ECHDC2: variants seen among roughly 807,000 people sequenced by gnomAD.
ECHDC2 encodes enoyl-CoA hydratase domain containing 2, also known as enoyl-CoA hydratase domain-containing protein 2, mitochondrial.
A neutral mutation model predicts 40.6 loss-of-function variants in ECHDC2; 34 were observed. That is an observed-to-expected ratio of 0.84 (90% CI 0.64 to 1.11). The LOEUF (loss-of-function observed/expected upper bound fraction) is 1.11. Ranked by LOEUF, ECHDC2 falls within the 50% of genes most tolerant of loss-of-function variation. ECHDC2 has a pLI of 0.00. For synonymous variants in ECHDC2, 162 were observed against 166.6 expected (o/e 0.97, Z 0.21); for missense variants, 392 against 400.7 (o/e 0.98, Z 0.19).
In ECHDC2 at chr1:52,909,104, AAAAC is replaced by A. The variant is rs1037978075; in HGVS notation, c.278-1154_278-1151del. ...CCTCACGTCTATTAGAATGGCTTTT[AAAAC>A]AAACAAAACAAAAAGTTGGCATGGA... On this transcript the variant is annotated intron_variant, in intron 3 of 9. Transcript: ENST00000371522. Among the ~76,000 whole-genome samples the A allele has an allele frequency of 1.1e-4, 16 of 152,266 alleles. No homozygotes were observed. In the East Asian group the frequency reaches 1.2e-3, roughly 11 times the overall value.
chr1:52,905,315 A>T (rs1042187728), intron 5 of ECHDC2: 1 of 575,924 alleles, frequency 1.7e-6, no homozygotes. Flanking sequence ...GTTGTAAGTC[A>T]CCAGCAAGTC....
At chr1:52,902,193 G>T (rs1253356044) in intron 7 of ECHDC2, among the ~76,000 whole-genome samples, 4 of 152,176 alleles carry the variant, frequency 2.6e-5, no homozygotes, top group African/African-American at 9.7e-5. Context: ...ATCTTGCTCT[G>T]TCACTTGGGC....
At chr1:52,906,680 GA>G (rs1647935629) in intron 4 of ECHDC2, 69 bp from the exon 5 acceptor site, 2 of 1,354,090 alleles carry the variant, frequency 1.5e-6, no homozygotes, top group Non-Finnish European at 2.0e-6. Flanking sequence ...CAAGGCTGGG[GA>G]GGGGCAAGCT....
intron 7 of ECHDC2, chr1:52,900,055 C>T (rs1646892585): frequency 6.7e-6 from 1 of 149,926 alleles, no homozygotes; most frequent in Admixed American, 6.6e-5. Flanking sequence ...CCTTGATTTA[C>T]AAAAAAGTTA....
At chr1:52,921,371 T>G in intron 1 of ECHDC2, 182 bp downstream of exon 1, 1 of 1,363,044 alleles carries the variant, frequency 7.3e-7, no homozygotes, top group Non-Finnish European at 9.5e-7. Flanking sequence ...CCAGCTAGAG[T>G]CTGGAGCCAC....
At chr1:52,897,948 TG>T (rs1646741181) in intron 8 of ECHDC2, 1 of 215,534 alleles carries the variant, frequency 4.6e-6, no homozygotes, top group South Asian at 8.6e-5. Flanking sequence ...CAACAGTATG[TG>T]GAAGAGCAGG....
Position 52,918,949 on chromosome 1 carries a change from C to T in ECHDC2, c.121+2604G>A, listed in dbSNP as rs539561368. 6.6e-4 allele frequency among the ~76,000 whole-genome samples: 101 copies of T among 152,262 alleles called. 2 individuals carry two copies. In the South Asian group the frequency reaches 0.019, roughly 29 times the overall value. ...AGCTTCATCTGTATTTACAGCAGCT[C>T]CCCATGGCTTGAATTACCACCTGAG... On this transcript the variant is annotated intron_variant, in intron 1 of 9. Transcript: ENST00000371522.
intron 1 of ECHDC2, among the ~76,000 whole-genome samples, chr1:52,916,908 G>C (rs1443278284): frequency 6.6e-6 from 1 of 152,202 alleles, no homozygotes; most frequent in African/African-American, 2.4e-5. Context: ...CAGGCGAGGT[G>C]TTGTGGGTAG....
At chr1:52,903,072 G>C (rs1235891176) in intron 7 of ECHDC2, among the ~76,000 whole-genome samples, 1 of 152,082 alleles carries the variant, frequency 6.6e-6, no homozygotes, top group Non-Finnish European at 1.5e-5. Flanking sequence ...CCCCCTGAGA[G>C]TTGGGAGAAG....
Position 52,899,237 on chromosome 1 carries a change from A to G in ECHDC2, c.703-13T>C. The G allele has an allele frequency of 1.4e-6, 2 of 1,469,246 alleles. No homozygotes were observed. Among genetic ancestry groups the G allele is most frequent in the South Asian group, 2.5e-5 (2 of 81,462 alleles). 91.0% of individuals were successfully genotyped at this position (1,469,246 alleles called of 1,614,324 possible). A position where few individuals can be genotyped will look rare whatever the true frequency, so the allele number is the denominator to read the frequency against. On this transcript the variant is annotated splice_polypyrimidine_tract_variant and intron_variant, in intron 7 of 9. Coordinates refer to ENST00000371522, the MANE Select transcript of ECHDC2 (RefSeq NM_001198961.2). ...CGGCAATGGGGGCCTAGGGAAAAGC[A>G]AAAAGTCTTGGTTGAGGAGGGCATC...
chr1:52,907,712 T>C, intron 4 of ECHDC2, 156 bp downstream of exon 4: 1 of 635,826 alleles, frequency 1.6e-6, no homozygotes, highest in East Asian at 2.9e-5. Context: ...AGAACTGCCC[T>C]CGGTCATCCT....
At chr1:52,911,868 G>T in intron 1 of ECHDC2, 78 bp from the exon 2 acceptor site, 1 of 1,572,428 alleles carries the variant, frequency 6.4e-7, no homozygotes, top group South Asian at 1.1e-5. Context: ...ACTGGAGGCA[G>T]GAGGCCTGGG....
intron 5 of ECHDC2, 170 bp from the exon 6 acceptor site, chr1:52,905,260 A>G (rs1468762799): frequency 1.5e-6 from 1 of 655,318 alleles, no homozygotes; most frequent in East Asian, 2.7e-5. Flanking sequence ...CCTAGCCCAG[A>G]AGTCAGGAGC....
rs1481916511 is a variant in ECHDC2, at chr1:52,896,499, T to C, written c.*21A>G. The C allele has an allele frequency of 6.2e-7, 1 of 1,603,690 alleles. No homozygotes were observed. Among genetic ancestry groups the C allele is most frequent in the Non-Finnish European group, 8.5e-7 (1 of 1,170,474 alleles). On this transcript the variant is annotated 3_prime_UTR_variant, in exon 10 of 10. Transcript: ENST00000371522. ...TGCTCTTCAGGGCATGCATCTCCCATGCTGAAGGTTAAAATGGGGGTCATT... is the reference window on the plus strand; with the variant it reads ...TGCTCTTCAGGGCATGCATCTCCCACGCTGAAGGTTAAAATGGGGGTCATT...
In ECHDC2 at chr1:52,921,275, C is replaced by T. The variant is rs931941030; in HGVS notation, c.121+278G>A. ...GGGGGCCGCGGGGCCCAGTCCTACC[C>T]GTGCGGACCCCGCTCCCCCTTCCAC... On this transcript the variant is annotated intron_variant, in intron 1 of 9. Coordinates refer to ENST00000371522, the MANE Select transcript of ECHDC2 (RefSeq NM_001198961.2). The T allele has an allele frequency of 3.6e-5, 19 of 534,918 alleles. No individual in the cohort carries two copies. In the Admixed American group the frequency reaches 6.4e-4, roughly 18 times the overall value. The allele number at this position is 534,918 out of a possible 1,614,324, so 33.1% of individuals were successfully genotyped here. A position where few individuals can be genotyped will look rare whatever the true frequency, so the allele number is the denominator to read the frequency against.
At chr1:52,921,328 G>C (rs1052294167) in intron 1 of ECHDC2, 4 of 1,081,612 alleles carry the variant, frequency 3.7e-6, no homozygotes, top group Non-Finnish European at 5.0e-6. Context: ...AAGGGCCTTT[G>C]AAGAGACCGA....
Position 52,914,901 on chromosome 1 carries a change from C to T in ECHDC2, c.122-3111G>A, listed in dbSNP as rs192164177. Among the ~76,000 whole-genome samples the T allele has an allele frequency of 1.3e-5, 2 of 152,240 alleles. No homozygotes were observed. Among genetic ancestry groups the T allele is most frequent in the Admixed American group, 1.3e-4 (2 of 15,282 alleles). ...CTCGAGTCCTCAGTCTTGCTCCCTC[C>T]CAGCACACACACATTCGTTCCCACA... On this transcript the variant is annotated intron_variant, in intron 1 of 9. Coordinates refer to ENST00000371522, the MANE Select transcript of ECHDC2 (RefSeq NM_001198961.2). The surrounding 1 kb of genome is among the most constrained non-coding windows in gnomAD (Gnocchi z 4.0).
At chr1:52,913,481 A>C (rs1438166927) in intron 1 of ECHDC2, 1 of 152,200 alleles carries the variant, frequency 6.6e-6, no homozygotes, top group Non-Finnish European at 1.5e-5. Flanking sequence ...ACCAAGGGAC[A>C]CGTTTCTCTC....
In ECHDC2 at chr1:52,904,638, C is replaced by T. The variant is rs771170242; in HGVS notation, c.702+8G>A. The T allele has an allele frequency of 9.5e-6, 15 of 1,575,010 alleles. No individual in the cohort carries two copies. Among genetic ancestry groups the T allele is most frequent in the Non-Finnish European group, 1.3e-5 (15 of 1,158,956 alleles). The stretch of plus-strand genomic sequence containing the variant: ...AGCCCTCCTTCTGGTGCCGAGCTGT[C>T]ACCACACCTGGGGCAGGATCTCCTG... On this transcript the variant is annotated splice_region_variant and intron_variant, in intron 7 of 9. Coordinates refer to ENST00000371522, the MANE Select transcript of ECHDC2 (RefSeq NM_001198961.2).
Sources: allele counts gnomAD v4.1 joint callset (sites outside exome capture counted in the v4.1 genomes callset), GRCh38; gene constraint gnomAD v4.1.1; non-coding constraint Gnocchi (gnomAD v3.1); transcripts MANE v1.5; gene names NCBI Gene and HGNC (gene_info 2026-07-23, HGNC 2026-07-21).